Variants in BAIAP2 observed in about 807,000 individuals in gnomAD.
BAIAP2 encodes the protein BAR/IMD domain-containing adapter protein 2.
BAIAP2 carries 18 observed loss-of-function variants against 63.0 expected under a neutral mutation model. That is an observed-to-expected ratio of 0.29 (90% confidence interval 0.20 to 0.42). BAIAP2 has a LOEUF of 0.42. Ranked by LOEUF, BAIAP2 falls within the 10% of genes least tolerant of loss-of-function variation. The pLI is 1.00. For synonymous variants in BAIAP2, 386 were observed against 307.6 expected, an observed-to-expected ratio of 1.25 and a Z score of -2.67; for missense variants, 610 against 734.3, an observed-to-expected ratio of 0.83 and a Z score of 1.96.
At chr17:81,073,980 C>T (rs532191877) in intron 3 of BAIAP2, among the ~76,000 whole-genome samples, 2 of 152,318 alleles carry the variant, frequency 1.3e-5, no homozygotes, top group South Asian at 4.1e-4. Context: ...GATTTGTTTT[C>T]CTAAAATGAG....
chr17:81,039,412 T>G (rs2046782066), intron 1 of BAIAP2, among the ~76,000 whole-genome samples: 1 of 152,210 alleles, frequency 6.6e-6, no homozygotes, highest in Non-Finnish European at 1.5e-5. Context: ...ATGCCTGCTG[T>G]GCCGTTGGTG....
chr17:81,111,032 A>G, intron 13 of BAIAP2: 1 of 1,582,100 alleles, frequency 6.3e-7, no homozygotes, highest in South Asian at 1.1e-5. Flanking sequence ...GGCCTCAGTC[A>G]CGCAGCCTGG....
intron 10 of BAIAP2, chr17:81,104,947 T>TC (rs2058945728): frequency 4.5e-6 from 2 of 446,744 alleles, no homozygotes; most frequent in Admixed American, 3.8e-5. Context: ...TGCAGGGGTC[T>TC]TCCCCTACAG....
At chr17:81,111,468 C>A (rs370536775) in intron 13 of BAIAP2, among the ~76,000 whole-genome samples, 1 of 152,192 alleles carries the variant, frequency 6.6e-6, no homozygotes, top group Non-Finnish European at 1.5e-5. Context: ...CACTGGGGAC[C>A]GGGCTGTGCT....
chr17:81,105,234 G>A (rs1352376612), intron 10 of BAIAP2: 1 of 164,802 alleles, frequency 6.1e-6, no homozygotes, highest in Non-Finnish European at 1.3e-5. Flanking sequence ...CCCATGGCTG[G>A]GGTCTTTCAC....
At chr17:81,102,851 A>G (rs1375891119) in intron 7 of BAIAP2, among the ~76,000 whole-genome samples, 1 of 152,184 alleles carries the variant, frequency 6.6e-6, no homozygotes, top group Non-Finnish European at 1.5e-5. Context: ...TGCTTAGGCC[A>G]AATGGCCAGG....
intron 3 of BAIAP2, among the ~76,000 whole-genome samples, chr17:81,062,687 C>A (rs1177801263): frequency 1.3e-5 from 1 of 77,044 alleles, no homozygotes; most frequent in African/African-American, 4.5e-5. Context: ...CTTTTTCTTT[C>A]CTTTTTTTTT....
intron 1 of BAIAP2, among the ~76,000 whole-genome samples, chr17:81,037,748 G>A (rs1291916454): frequency 6.6e-6 from 1 of 152,262 alleles, no homozygotes; most frequent in Admixed American, 6.5e-5. Flanking sequence ...CACCCGCGAT[G>A]CGGCTCAGCT....
intron 3 of BAIAP2, among the ~76,000 whole-genome samples, chr17:81,080,976 G>A (rs1007351925): frequency 5.3e-5 from 8 of 152,224 alleles, no homozygotes; most frequent in African/African-American, 1.7e-4. Context: ...CGGCGACCTC[G>A]CAAAGGCTGG....
chr17:81,051,485 C>T lies in BAIAP2; in HGVS notation c.55-2183C>T, dbSNP rs190058167. On this transcript the variant is annotated intron_variant, in intron 1 of 13. Coordinates refer to ENST00000428708, the MANE Select transcript of BAIAP2 (RefSeq NM_001144888.2). The stretch of plus-strand genomic sequence containing the variant: ...CGCAATCTCAGCTCACCACAATTTC[C>T]GCCTCCCAGGTTCAAGCGATTCTCC... 3.6e-3 allele frequency among the ~76,000 whole-genome samples: 546 copies of T among 152,182 alleles called. 4 individuals carry two copies. The highest frequency in any genetic ancestry group is 0.012 in the African/African-American group (519 of 41,534).
At position 81,057,974 on chromosome 17, in the gene BAIAP2, C is replaced by CCA; in HGVS notation, c.217+8_217+9insAC. 2 of 56,658 alleles carry CCA rather than the reference C, an allele frequency of 3.5e-5. No individual in the cohort carries two copies. The highest frequency in any genetic ancestry group is 3.8e-4 in the South Asian group (1 of 2,616). 3.5% of individuals were successfully genotyped at this position (56,658 alleles called of 1,614,324 possible). The stretch of plus-strand genomic sequence containing the variant: ...CAGGGCTCCAAAGAACTCGGTGAGA[C>CCA]CCCCCCCCCCCCCCCGCCTGGTAGT... On this transcript the variant is annotated splice_region_variant and intron_variant, in intron 3 of 13. Coordinates refer to ENST00000428708, the MANE Select transcript of BAIAP2 (RefSeq NM_001144888.2).
At chr17:81,109,777 C>T (rs894307325) in intron 13 of BAIAP2, 130 of 985,430 alleles carry the variant, frequency 1.3e-4, no homozygotes, top group Non-Finnish European at 1.0e-4. Context: ...CAGCTGGCCG[C>T]ACACGGACAT....
Position 81,057,973 on chromosome 17 carries a change from A to ACACC in BAIAP2, c.217+7_217+8insACCC. On this transcript the variant is annotated splice_region_variant and intron_variant, in intron 3 of 13. Transcript: ENST00000428708. ...CCAGGGCTCCAAAGAACTCGGTGAG[A>ACACC]CCCCCCCCCCCCCCCCGCCTGGTAG... 1 of 764,944 alleles carries ACACC rather than the reference A, an allele frequency of 1.3e-6. No homozygotes were observed. Among genetic ancestry groups the ACACC allele is most frequent in the Non-Finnish European group, 1.7e-6 (1 of 586,534 alleles). The allele number at this position is 764,944 out of a possible 1,614,324, so 47.4% of individuals were successfully genotyped here.
At chr17:81,097,447 G>A (rs1415658641) in intron 6 of BAIAP2, 1 of 152,310 alleles carries the variant, frequency 6.6e-6, no homozygotes, top group Admixed American at 6.5e-5. Flanking sequence ...AGGCAGCCAG[G>A]GAACAGGCTG....
chr17:81,057,261 C>G (rs1218918169), intron 2 of BAIAP2: 2 of 152,288 alleles, frequency 1.3e-5, no homozygotes, highest in Admixed American at 6.5e-5. Flanking sequence ...CCTGCTCCAC[C>G]CCTGTGGCTG....
At chr17:81,075,210 C>T (rs1211330226) in intron 3 of BAIAP2, among the ~76,000 whole-genome samples, 1 of 152,240 alleles carries the variant, frequency 6.6e-6, no homozygotes, top group Non-Finnish European at 1.5e-5. Flanking sequence ...GATTTCAAGC[C>T]GGCGGCCAGG....
At chr17:81,039,760 G>T (rs1265369950) in intron 1 of BAIAP2, among the ~76,000 whole-genome samples, 4 of 152,140 alleles carry the variant, frequency 2.6e-5, no homozygotes, top group Non-Finnish European at 5.9e-5. Flanking sequence ...TGAGGGCCAA[G>T]ACCTGTCTGC....
intron 1 of BAIAP2, among the ~76,000 whole-genome samples, chr17:81,048,697 C>T (rs2048203278): frequency 6.6e-6 from 1 of 152,210 alleles, no homozygotes. Context: ...GGACACGGCC[C>T]TCCCATTTGT....
At chr17:81,076,247 ATCT>A (rs1221229210) in intron 3 of BAIAP2, 2 of 152,218 alleles carry the variant, frequency 1.3e-5, no homozygotes, top group Non-Finnish European at 2.9e-5. Context: ...TTCTTGCTTT[ATCT>A]TCCCTGTGGA....
Sources: allele counts gnomAD v4.1 joint callset (sites outside exome capture counted in the v4.1 genomes callset), GRCh38; gene constraint gnomAD v4.1.1; transcripts MANE v1.5; gene names NCBI Gene and HGNC (gene_info 2026-07-23, HGNC 2026-07-21).